GABRB1: variants seen among roughly 807,000 people sequenced by gnomAD.
GABRB1 encodes the protein gamma-aminobutyric acid type A receptor subunit beta1, also known as gamma-aminobutyric acid receptor subunit beta-1.
GABRB1 carries 17 observed loss-of-function variants against 51.6 expected under a neutral mutation model. That is an observed-to-expected ratio of 0.33 (90% CI 0.23 to 0.49). GABRB1 has a LOEUF of 0.49. GABRB1 is among the 20% of genes least tolerant of loss of function. The pLI, the probability that GABRB1 is intolerant of heterozygous loss-of-function variation, is 0.99. For missense variants in GABRB1, 410 were observed against 600.6 expected (o/e 0.68, Z 3.32); for synonymous variants, 247 against 218.9 (o/e 1.13, Z -1.14).
At chr4:47,244,320 T>C (rs1721656217) in intron 4 of GABRB1, among the ~76,000 whole-genome samples, 1 of 152,328 alleles carries the variant, frequency 6.6e-6, no homozygotes, top group South Asian at 2.1e-4. Flanking sequence ...TCGATGTTCA[T>C]CAGGGATATT....
At chr4:47,070,968 A>G (rs965620596) in intron 3 of GABRB1, among the ~76,000 whole-genome samples, 4 of 152,180 alleles carry the variant, frequency 2.6e-5, no homozygotes, top group African/African-American at 9.7e-5. Context: ...CAAATTTAAC[A>G]TATCCAAACA....
chr4:47,135,081 C>T (rs942484972), intron 3 of GABRB1, among the ~76,000 whole-genome samples: 1 of 152,108 alleles, frequency 6.6e-6, no homozygotes, highest in Non-Finnish European at 1.5e-5. Context: ...GATCACACCA[C>T]TGAACTCCAG....
chr4:47,100,557 T>C (rs572155795), intron 3 of GABRB1, among the ~76,000 whole-genome samples: 3 of 152,018 alleles, frequency 2.0e-5, no homozygotes, highest in Non-Finnish European at 4.4e-5. Context: ...AAATCTCTCC[T>C]TTTTCCTCAT....
chr4:47,125,618 G>C (rs369518556), intron 3 of GABRB1, among the ~76,000 whole-genome samples: 10 of 120,230 alleles, frequency 8.3e-5, no homozygotes, highest in Admixed American at 1.1e-4. Flanking sequence ...TGCAGTGGCG[G>C]GATCTCGGCT....
chr4:47,294,713 C>A (rs529550771), intron 4 of GABRB1, among the ~76,000 whole-genome samples: 2 of 152,242 alleles, frequency 1.3e-5, no homozygotes, highest in African/African-American at 4.8e-5. Context: ...GTAACCTCTG[C>A]AGACTTAAAT....
chr4:47,259,391 A>C (rs960276578), intron 4 of GABRB1, among the ~76,000 whole-genome samples: 5 of 151,876 alleles, frequency 3.3e-5, no homozygotes, highest in African/African-American at 1.2e-4. Flanking sequence ...TAAATCAAGT[A>C]AGTGTTTTCT....
At position 47,092,282 on chromosome 4, in the gene GABRB1, C is replaced by T. The variant is rs548345643; in HGVS notation, c.240+59798C>T. Among the ~76,000 whole-genome samples the T allele has an allele frequency of 4.1e-5, 6 of 145,716 alleles. No individual in the cohort carries two copies. The South Asian group carries it at 8.9e-4, about 22-fold the overall frequency. Reference sequence around the variant, plus strand: ...TGGCCTCCCTGGTTCAAATGATTCTCCTGTCTCAGCCTCCTAAATAGCTGG... The same window carrying T: ...TGGCCTCCCTGGTTCAAATGATTCTTCTGTCTCAGCCTCCTAAATAGCTGG... On this transcript the variant is annotated intron_variant, in intron 3 of 8. Coordinates refer to ENST00000295454, the MANE Select transcript of GABRB1 (RefSeq NM_000812.4).
rs1352119650 is a variant in GABRB1, at chr4:47,090,565, C to G, written c.240+58081C>G. ...TAGAATCTTTTAGAACAATTATGCC[C>G]TCACCGTGATTATCTTTCTTTCTCT... On this transcript the variant is annotated intron_variant, in intron 3 of 8. Transcript: ENST00000295454. 2.6e-5 allele frequency among the ~76,000 whole-genome samples: 4 copies of G among 152,190 alleles called. No homozygotes were observed. The East Asian group carries it at 7.7e-4, about 29-fold the overall frequency.
chr4:47,328,603 T>C (rs1391822375), intron 5 of GABRB1, among the ~76,000 whole-genome samples: 1 of 152,210 alleles, frequency 6.6e-6, no homozygotes, highest in Non-Finnish European at 1.5e-5. Flanking sequence ...AATGATGAGT[T>C]CATATCCTTT....
At chr4:47,402,865 TA>T (rs34289384) in intron 5 of GABRB1, among the ~76,000 whole-genome samples, 23,526 of 152,196 alleles carry the variant, frequency 0.15, 1,926 homozygotes, top group Non-Finnish European at 0.17. Flanking sequence ...TGGCTATATA[TA>T]AACTTGGTCT....
chr4:47,192,528 T>C (rs1719478640), intron 4 of GABRB1, among the ~76,000 whole-genome samples: 2 of 152,202 alleles, frequency 1.3e-5, no homozygotes, highest in Admixed American at 1.3e-4. Flanking sequence ...AATTGTTATA[T>C]CATTAATTGT....
intron 3 of GABRB1, among the ~76,000 whole-genome samples, chr4:47,075,434 A>G (rs775798791): frequency 2.6e-5 from 4 of 152,212 alleles, no homozygotes; most frequent in Admixed American, 6.5e-5. Context: ...TTAATAGGCA[A>G]TCTATGCTGG....
At chr4:47,101,158 T>C (rs1714704225) in intron 3 of GABRB1, among the ~76,000 whole-genome samples, 2 of 152,034 alleles carry the variant, frequency 1.3e-5, no homozygotes, top group South Asian at 4.1e-4. Context: ...CTCACATGTT[T>C]TCGAACTAGA....
At chr4:47,311,659 T>C (rs193271754) in intron 4 of GABRB1, among the ~76,000 whole-genome samples, 2 of 152,272 alleles carry the variant, frequency 1.3e-5, no homozygotes, top group Admixed American at 6.5e-5. Flanking sequence ...GGACTTCTGA[T>C]CTACAGAACT....
chr4:47,379,288 C>T (rs1727509619), intron 5 of GABRB1, among the ~76,000 whole-genome samples: 1 of 152,088 alleles, frequency 6.6e-6, no homozygotes, highest in Admixed American at 6.5e-5. Flanking sequence ...TACAATTTTT[C>T]AACTTTACAG....
intron 3 of GABRB1, among the ~76,000 whole-genome samples, chr4:47,122,467 T>C (rs1339807743): frequency 6.6e-6 from 1 of 152,178 alleles, no homozygotes; most frequent in Non-Finnish European, 1.5e-5. Context: ...CGTAAAGTTG[T>C]CAACTGAGCA....
At chr4:47,016,273 G>A (rs1420746019) in intron 1 of GABRB1, among the ~76,000 whole-genome samples, 1 of 152,122 alleles carries the variant, frequency 6.6e-6, no homozygotes, top group Non-Finnish European at 1.5e-5. Flanking sequence ...AAATTCTTTA[G>A]AAAATGCTGC....
chr4:47,103,959 T>A (rs1368563074), intron 3 of GABRB1, among the ~76,000 whole-genome samples: 1 of 151,722 alleles, frequency 6.6e-6, no homozygotes, highest in African/African-American at 2.4e-5. Context: ...AAAAAATAAA[T>A]TTCATATTTT....
At chr4:47,140,093 AACACACACACACACACACACACACAC>A (rs67749563) in intron 3 of GABRB1, among the ~76,000 whole-genome samples, 1 of 135,326 alleles carries the variant, frequency 7.4e-6, no homozygotes, top group Admixed American at 7.5e-5. Flanking sequence ...AAATTAAATT[AACACACACACACACACACACACACAC>A]ACACACACAC....
Sources: allele counts gnomAD v4.1 joint callset (sites outside exome capture counted in the v4.1 genomes callset), GRCh38; gene constraint gnomAD v4.1.1; transcripts MANE v1.5; gene names NCBI Gene and HGNC (gene_info 2026-07-23, HGNC 2026-07-21).